CEACAM20: variants seen among roughly 807,000 people sequenced by gnomAD.
CEACAM20 encodes cell adhesion molecule CEACAM20.
Under a neutral mutation model 61.2 loss-of-function variants are expected in CEACAM20, and 50 were observed. The ratio of observed to expected loss-of-function variants is 0.82; its 90% CI spans 0.65 to 1.03. The LOEUF (loss-of-function observed/expected upper bound fraction) is 1.03. Ranked by LOEUF, CEACAM20 falls within the 50% of genes least tolerant of loss-of-function variation. CEACAM20 has a pLI of 0.00. For missense variants in CEACAM20, 683 were observed against 736.4 expected (o/e 0.93, Z 0.84); for synonymous variants, 282 against 287.7 (o/e 0.98, Z 0.20).
intron 6 of CEACAM20, among the ~76,000 whole-genome samples, chr19:44,515,218 A>AATGATGATGATGATGATG (rs59294881): frequency 6.7e-6 from 1 of 148,996 alleles, no homozygotes; most frequent in African/African-American, 2.5e-5. Flanking sequence ...ATGCTTGACA[A>AATGATGATGATGATGATG]ATGATGATGA....
chr19:44,512,278 G>A (rs1971025675), intron 8 of CEACAM20, among the ~76,000 whole-genome samples, 200 bp from the exon 9 acceptor site: 1 of 152,180 alleles, frequency 6.6e-6, no homozygotes, highest in Non-Finnish European at 1.5e-5. Flanking sequence ...TGACACAGAT[G>A]AGGGGAGAAA....
In CEACAM20 at chr19:44,524,109, A is replaced by G. The variant is rs755688173; in HGVS notation, c.349T>C (p.Ser117Pro). The G allele has an allele frequency of 6.2e-7, 1 of 1,607,768 alleles. No individual in the cohort carries two copies. Among genetic ancestry groups the G allele is most frequent in the South Asian group, 1.1e-5 (1 of 89,648 alleles). The change falls in exon 3 of 12, where the codon TCC (serine) becomes CCC (proline). Residue 117 changes from serine to proline, a missense_variant. Physicochemically the swap from Ser to Pro is moderately conservative, Grantham distance 74. Coordinates refer to ENST00000614924, the MANE Select transcript of CEACAM20 (RefSeq NM_001102597.3). ...SIVFHERMQL[S>P]KDGKILTILI... ...ATGGTGAGGATCTTGCCATCCTTGG[A>G]CAGCTGCATGCGCTCATGGAACACA...
At chr19:44,528,149 CTTTCTTTCT>C (rs1215458233) in intron 1 of CEACAM20, among the ~76,000 whole-genome samples, 2,167 of 106,318 alleles carry the variant, frequency 0.02, 51 homozygotes, top group African/African-American at 0.078. Flanking sequence ...TCTTTCTTTT[CTTTCTTTCT>C]TTTCTTTCTT....
In CEACAM20 at chr19:44,512,752, A is replaced by G. The variant is rs986548446; in HGVS notation, c.1513+116T>C. ...ATGGGAACACAGAGGCTCAGAGTGG[A>G]CAGGGCTTGCCCTGATCATACAGTG... On this transcript the variant is annotated intron_variant, in intron 8 of 11. Transcript: ENST00000614924. 5.2e-6 allele frequency: 4 copies of G among 776,686 alleles called. No homozygotes were observed. In the African/African-American group the frequency reaches 5.2e-5, roughly 10 times the overall value. 48.1% of individuals were successfully genotyped at this position (776,686 alleles called of 1,614,324 possible).
chr19:44,521,876 G>A (rs1224887463), intron 4 of CEACAM20, among the ~76,000 whole-genome samples: 1 of 152,082 alleles, frequency 6.6e-6, no homozygotes, highest in African/African-American at 2.4e-5. Context: ...TGTACGGAGT[G>A]TGTGAATGTT....
chr19:44,512,552 GATTC>G (rs1437568523), intron 8 of CEACAM20, among the ~76,000 whole-genome samples: 1 of 152,210 alleles, frequency 6.6e-6, no homozygotes, highest in Non-Finnish European at 1.5e-5. Context: ...GCTGGATTTG[GATTC>G]AGCAGGAAGG....
intron 6 of CEACAM20, among the ~76,000 whole-genome samples, chr19:44,516,253 T>C (rs960114395): frequency 6.6e-6 from 1 of 152,180 alleles, no homozygotes; most frequent in Non-Finnish European, 1.5e-5. Flanking sequence ...CCCATATAGC[T>C]CACTCCTTCC....
chr19:44,517,756 T>C (rs1384965350), intron 5 of CEACAM20, among the ~76,000 whole-genome samples: 2 of 151,434 alleles, frequency 1.3e-5, no homozygotes, highest in Admixed American at 1.3e-4. Flanking sequence ...AGAAGTGTTT[T>C]AGGTCACCCA....
intron 11 of CEACAM20, among the ~76,000 whole-genome samples, 153 bp from the exon 12 acceptor site, chr19:44,506,367 C>A (rs1480733004): frequency 1.3e-5 from 2 of 152,172 alleles, no homozygotes; most frequent in African/African-American, 4.8e-5. Context: ...GTAACCCTGG[C>A]ACATCTCTGT....
chr19:44,522,016 A>T (rs1270383037), intron 4 of CEACAM20, among the ~76,000 whole-genome samples: 4 of 152,134 alleles, frequency 2.6e-5, no homozygotes, highest in Non-Finnish European at 5.9e-5. Flanking sequence ...CAGTGTGCCC[A>T]GCCTTCCCTG....
chr19:44,522,722 G>C lies in CEACAM20; in HGVS notation c.663C>G (p.Ser221=). Reference sequence around the variant, plus strand: ...ACCTGTACAGGCCCTCATGTTCTCTGGACACAGCATGGATGGTGAATGTTC... The same window carrying C: ...ACCTGTACAGGCCCTCATGTTCTCTCGACACAGCATGGATGGTGAATGTTC... The part of the protein sequence containing the change: ...TTRTFTIHAV[S]REHEGLYRCL... Residue 221 remains serine (S), a synonymous_variant, in exon 4 of 12, where the codon TCC becomes TCG. Transcript: ENST00000614924. 1 of 1,613,842 alleles carries C rather than the reference G, an allele frequency of 6.2e-7. No individual in the cohort carries two copies. The highest frequency in any genetic ancestry group is 8.5e-7 in the Non-Finnish European group (1 of 1,179,838).
At chr19:44,508,637 G>A (rs1282760496) in intron 11 of CEACAM20, among the ~76,000 whole-genome samples, 3 of 152,098 alleles carry the variant, frequency 2.0e-5, no homozygotes, top group South Asian at 2.1e-4. Context: ...TGATCTGCTC[G>A]CCTCCACCTC....
At chr19:44,522,236 T>TG (rs1339577776) in intron 4 of CEACAM20, among the ~76,000 whole-genome samples, 1 of 152,034 alleles carries the variant, frequency 6.6e-6, no homozygotes, top group Admixed American at 6.6e-5. Flanking sequence ...CCTGAGTAGC[T>TG]GGGACTACAG....
chr19:44,519,427 G>A (rs1377299785), intron 5 of CEACAM20, among the ~76,000 whole-genome samples: 1 of 152,164 alleles, frequency 6.6e-6, no homozygotes, highest in Non-Finnish European at 1.5e-5. Flanking sequence ...GAAGTGTAAA[G>A]AGGAGCAAAG....
intron 7 of CEACAM20, 104 bp downstream of exon 7, chr19:44,513,068 A>G: frequency 7.7e-7 from 1 of 1,299,384 alleles, no homozygotes; most frequent in Non-Finnish European, 1.1e-6. Context: ...TGAATTCCCC[A>G]GGTGCCAGAC....
At chr19:44,508,078 T>A (rs1432086166) in intron 11 of CEACAM20, among the ~76,000 whole-genome samples, 1 of 152,180 alleles carries the variant, frequency 6.6e-6, no homozygotes, top group African/African-American at 2.4e-5. Flanking sequence ...GAGTTCTCTG[T>A]CCCTAAACTT....
intron 4 of CEACAM20, among the ~76,000 whole-genome samples, chr19:44,522,120 T>G (rs1025898955): frequency 1.3e-5 from 2 of 152,034 alleles, no homozygotes; most frequent in African/African-American, 4.8e-5. Flanking sequence ...TTTTTTTTTT[T>G]TTTAGACAGA....
Position 44,524,264 on chromosome 19 carries a change from G to C in CEACAM20, c.197-3C>G. ...TGCAATGGAGGGTTTGGCCAGCTCTGAAAGCAAGCGAGGGAGACAGAGGCA... is the reference window on the plus strand; with the variant it reads ...TGCAATGGAGGGTTTGGCCAGCTCTCAAAGCAAGCGAGGGAGACAGAGGCA... On this transcript the variant is annotated splice_region_variant and splice_polypyrimidine_tract_variant and intron_variant, in intron 2 of 11. Coordinates refer to ENST00000614924, the MANE Select transcript of CEACAM20 (RefSeq NM_001102597.3). 1.2e-6 allele frequency: 2 copies of C among 1,609,292 alleles called. No individual in the cohort carries two copies. Among genetic ancestry groups the C allele is most frequent in the Non-Finnish European group, 1.7e-6 (2 of 1,177,180 alleles).
chr19:44,513,788 T>C (rs901098957), intron 6 of CEACAM20, among the ~76,000 whole-genome samples: 2 of 152,178 alleles, frequency 1.3e-5, no homozygotes, highest in Admixed American at 6.6e-5. Flanking sequence ...AACATCCAGT[T>C]TCTGCGTCCA....
Sources: gnomAD v4.1 joint callset for allele counts (sites outside exome capture counted in the v4.1 genomes callset) on GRCh38, gnomAD v4.1.1 for gene constraint, MANE v1.5 for transcripts, NCBI Gene and HGNC (gene_info 2026-07-23, HGNC 2026-07-21) for gene names.